Variants in STX8 observed in about 807,000 individuals in gnomAD.
STX8 encodes the protein syntaxin-8.
Under a neutral mutation model 37.5 loss-of-function variants are expected in STX8, and 23 were observed. The ratio of observed to expected loss-of-function variants is 0.61; its 90% CI spans 0.44 to 0.87. STX8 has a LOEUF of 0.87. STX8 is among the 40% of genes least tolerant of loss of function. The pLI, the probability that STX8 is intolerant of heterozygous loss-of-function variation, is 0.00. For missense variants in STX8, 313 were observed against 284.7 expected (o/e 1.10, Z -0.71); for synonymous variants, 115 against 99.1 (o/e 1.16, Z -0.95).
At position 9,313,426 on chromosome 17, in the gene STX8, C is replaced by T. The variant is rs144826885; in HGVS notation, c.644-62781G>A. On this transcript the variant is annotated intron_variant, in intron 7 of 7. Coordinates refer to ENST00000306357, the MANE Select transcript of STX8 (RefSeq NM_004853.3). ...CAACCAAGTTTTGAGGATTCACAAT[C>T]AGCACCAATAGATCCAATAATCCAA... 2.0e-5 allele frequency among the ~76,000 whole-genome samples: 3 copies of T among 152,322 alleles called. No homozygotes were observed. The East Asian group carries it at 5.8e-4, about 29-fold the overall frequency.
intron 7 of STX8, among the ~76,000 whole-genome samples, chr17:9,269,555 T>C (rs1340021858): frequency 3.3e-5 from 5 of 152,218 alleles, no homozygotes; most frequent in Non-Finnish European, 1.5e-5. Context: ...TAAAATGATG[T>C]CATCACCTTC....
intron 7 of STX8, among the ~76,000 whole-genome samples, chr17:9,281,959 G>A (rs1048021886): frequency 2.6e-5 from 4 of 152,166 alleles, no homozygotes; most frequent in African/African-American, 7.2e-5. Flanking sequence ...GTCTAGCATC[G>A]ACAGCTGCTG....
intron 4 of STX8, among the ~76,000 whole-genome samples, chr17:9,506,421 A>ACC (rs67803513): frequency 3.1e-5 from 1 of 32,236 alleles, no homozygotes. Flanking sequence ...CCCCCCCCCC[A>ACC]CCCACCTTTC....
At chr17:9,558,139 T>A (rs1482711839) in intron 2 of STX8, among the ~76,000 whole-genome samples, 3 of 152,234 alleles carry the variant, frequency 2.0e-5, no homozygotes, top group Non-Finnish European at 4.4e-5. Context: ...TCCGTGACTC[T>A]AACCTGTTAC....
At position 9,573,609 on chromosome 17, in the gene STX8, T is replaced by C. The variant is rs530398794; in HGVS notation, c.17+2183A>G. On this transcript the variant is annotated intron_variant, in intron 1 of 7. Coordinates refer to ENST00000306357, the MANE Select transcript of STX8 (RefSeq NM_004853.3). ...GAACCTCCTGAGGCTGTGTCATGGG[T>C]GCATTCTTAACCTTGGCAAAATAAA... Among the ~76,000 whole-genome samples the C allele has an allele frequency of 3.9e-5, 6 of 152,292 alleles. No individual in the cohort carries two copies. The East Asian group carries it at 1.2e-3, about 29-fold the overall frequency.
intron 7 of STX8, among the ~76,000 whole-genome samples, chr17:9,310,168 C>A (rs368281505): frequency 6.6e-6 from 1 of 151,670 alleles, no homozygotes; most frequent in Admixed American, 6.6e-5. Flanking sequence ...AACATACAAA[C>A]ACACACACAA....
intron 7 of STX8, among the ~76,000 whole-genome samples, chr17:9,261,425 G>C (rs189996342): frequency 6.6e-6 from 1 of 152,180 alleles, no homozygotes; most frequent in Non-Finnish European, 1.5e-5. Flanking sequence ...GTGCAAAGAC[G>C]TATACCTGGC....
intron 7 of STX8, among the ~76,000 whole-genome samples, chr17:9,289,851 GC>G (rs1908254631): frequency 6.6e-6 from 1 of 152,002 alleles, no homozygotes; most frequent in Non-Finnish European, 1.5e-5. Context: ...ACAAAATATT[GC>G]ATGAGAAAGG....
At chr17:9,338,228 A>G (rs1204575203) in intron 7 of STX8, among the ~76,000 whole-genome samples, 1 of 151,724 alleles carries the variant, frequency 6.6e-6, no homozygotes, top group Non-Finnish European at 1.5e-5. Context: ...TAACTTGTGT[A>G]TTTTTAGTAG....
At chr17:9,299,482 C>T (rs535710612) in intron 7 of STX8, among the ~76,000 whole-genome samples, 2 of 147,042 alleles carry the variant, frequency 1.4e-5, no homozygotes, top group South Asian at 2.2e-4. Flanking sequence ...CTCACTCTGT[C>T]GCCCAGGCTA....
chr17:9,351,915 G>T (rs983772287), intron 7 of STX8, among the ~76,000 whole-genome samples: 1 of 152,008 alleles, frequency 6.6e-6, no homozygotes, highest in Non-Finnish European at 1.5e-5. Context: ...TTGGGAGGCC[G>T]ACTTGGGAGG....
At chr17:9,251,759 G>A (rs146929900) in intron 7 of STX8, among the ~76,000 whole-genome samples, 2 of 152,340 alleles carry the variant, frequency 1.3e-5, no homozygotes, top group Non-Finnish European at 2.9e-5. Context: ...CGGGCTTCCC[G>A]AATCCCCTCC....
intron 7 of STX8, among the ~76,000 whole-genome samples, chr17:9,320,031 T>TA (rs1909523122): frequency 6.6e-6 from 1 of 150,562 alleles, no homozygotes; most frequent in African/African-American, 2.4e-5. Flanking sequence ...GTTTAAAAAA[T>TA]AAAAAATAAA....
At chr17:9,252,215 C>T (rs1281710623) in intron 7 of STX8, among the ~76,000 whole-genome samples, 2 of 151,582 alleles carry the variant, frequency 1.3e-5, no homozygotes, top group Non-Finnish European at 1.5e-5. Flanking sequence ...GAGGCCGAGG[C>T]GGGCGGACCA....
intron 6 of STX8, among the ~76,000 whole-genome samples, chr17:9,380,358 T>A (rs1304341077): frequency 6.9e-6 from 1 of 144,946 alleles, no homozygotes; most frequent in Non-Finnish European, 1.5e-5. Context: ...GCTCTAGCAA[T>A]CCTCCCATCT....
intron 6 of STX8, among the ~76,000 whole-genome samples, chr17:9,432,230 G>T (rs1472212085): frequency 1.3e-5 from 2 of 151,910 alleles, no homozygotes; most frequent in Admixed American, 1.3e-4. Flanking sequence ...GGTAAAACAA[G>T]ATGTGGAGCA....
At chr17:9,280,555 A>G (rs1224150455) in intron 7 of STX8, among the ~76,000 whole-genome samples, 1 of 152,228 alleles carries the variant, frequency 6.6e-6, no homozygotes, top group African/African-American at 2.4e-5. Context: ...CTCCATCTCA[A>G]AAAAGAAACA....
At chr17:9,311,223 C>A (rs1267497421) in intron 7 of STX8, among the ~76,000 whole-genome samples, 1 of 138,014 alleles carries the variant, frequency 7.2e-6, no homozygotes, top group African/African-American at 2.8e-5. Flanking sequence ...GTAGACAGAG[C>A]AAGACTCCGT....
chr17:9,393,379 G>A (rs937132258), intron 6 of STX8, among the ~76,000 whole-genome samples: 3 of 152,178 alleles, frequency 2.0e-5, no homozygotes, highest in Admixed American at 6.5e-5. Flanking sequence ...GAAGAAAAAC[G>A]ATACCAGTAG....
Sources: allele counts gnomAD v4.1 joint callset (sites outside exome capture counted in the v4.1 genomes callset), GRCh38; gene constraint gnomAD v4.1.1; transcripts MANE v1.5; gene names NCBI Gene and HGNC (gene_info 2026-07-23, HGNC 2026-07-21).